The following ATP2C2 variants were observed in gnomAD, a reference collection of about 807,000 sequenced individuals.
ATP2C2 encodes ATPase secretory pathway Ca2+ transporting 2, also known as calcium-transporting ATPase type 2C member 2.
ATP2C2 carries 171 observed loss-of-function variants against 110.8 expected under a neutral mutation model. That is an observed-to-expected ratio of 1.54 (90% CI 1.36 to 1.75). ATP2C2 has a LOEUF of 1.75. ATP2C2 is among the 40% of genes most tolerant of loss of function. The probability of loss-of-function intolerance (pLI) is 0.00; values close to 1 mark genes in which losing one functional copy is unlikely to be tolerated. For missense variants in ATP2C2, 1,963 were observed against 1,235.0 expected (o/e 1.59, Z -8.84); for synonymous variants, 804 against 508.4 (o/e 1.58, Z -7.82).
intron 7 of ATP2C2, among the ~76,000 whole-genome samples, chr16:84,419,067 G>A (rs796749509): frequency 2.0e-5 from 3 of 151,974 alleles, no homozygotes; most frequent in African/African-American, 7.2e-5. Flanking sequence ...AAATTAGCCA[G>A]GCGTGGTGGC....
intron 3 of ATP2C2, chr16:84,407,516 G>A (rs1334896667): frequency 6.6e-6 from 1 of 152,120 alleles, no homozygotes; most frequent in African/African-American, 2.4e-5. Flanking sequence ...TGGTGTCCAA[G>A]CAGGAGTGCA....
chr16:84,389,616 C>T (rs775063856), intron 1 of ATP2C2, among the ~76,000 whole-genome samples: 10 of 152,064 alleles, frequency 6.6e-5, no homozygotes, highest in Non-Finnish European at 1.5e-4. Context: ...CCTCTAAGGA[C>T]GAGGACTCCT....
Position 84,398,664 on chromosome 16 carries a change from G to A in ATP2C2, c.210+55G>A, listed in dbSNP as rs149278845. On this transcript the variant is annotated intron_variant, in intron 2 of 26. Coordinates refer to ENST00000262429, the MANE Select transcript of ATP2C2 (RefSeq NM_014861.4). ...TTGTGATAAGGTTTTATGTTTAAAA[G>A]AAAGCAACACAAAGCCCTGAACAGT... 1,033 of 1,411,144 alleles carry A rather than the reference G, an allele frequency of 7.3e-4. 11 individuals carry two copies. The East Asian group carries it at 0.023, about 31-fold the overall frequency. 87.4% of individuals were successfully genotyped at this position (1,411,144 alleles called of 1,614,324 possible).
chr16:84,417,182 A>G (rs556195900), intron 7 of ATP2C2, among the ~76,000 whole-genome samples: 1 of 152,316 alleles, frequency 6.6e-6, no homozygotes, highest in South Asian at 2.1e-4. Flanking sequence ...TGGGAGGATT[A>G]CAGATCTTCA....
intron 1 of ATP2C2, among the ~76,000 whole-genome samples, chr16:84,381,017 G>C (rs992697765): frequency 4.6e-5 from 7 of 152,304 alleles, no homozygotes; most frequent in Non-Finnish European, 1.0e-4. Flanking sequence ...ATGCGCGTCC[G>C]TGTGAAGAGA....
At chr16:84,386,303 G>C (rs1248962319) in intron 1 of ATP2C2, among the ~76,000 whole-genome samples, 1 of 152,122 alleles carries the variant, frequency 6.6e-6, no homozygotes, top group Non-Finnish European at 1.5e-5. Flanking sequence ...TTTTATATCT[G>C]TCTCTCTCTG....
chr16:84,393,199 G>C (rs1032869571), intron 1 of ATP2C2, among the ~76,000 whole-genome samples: 1 of 152,192 alleles, frequency 6.6e-6, no homozygotes, highest in Non-Finnish European at 1.5e-5. Flanking sequence ...TTTCAACAAA[G>C]GATACATTAA....
Position 84,422,621 on chromosome 16 carries a change from G to A in ATP2C2, c.775-8G>A, listed in dbSNP as rs1395979663. 3.1e-6 allele frequency: 5 copies of A among 1,612,674 alleles called. No individual in the cohort carries two copies. Among genetic ancestry groups the A allele is most frequent in the Non-Finnish European group, 4.2e-6 (5 of 1,179,430 alleles). On this transcript the variant is annotated splice_region_variant and splice_polypyrimidine_tract_variant and intron_variant, in intron 8 of 26. Coordinates refer to ENST00000262429, the MANE Select transcript of ATP2C2 (RefSeq NM_014861.4). ...TAGATTTCATACTTCTCTCTCTCCT[G>A]GACACAGGGGGTCGTGATTGGAACA...
At chr16:84,412,079 G>A (rs1266788733) in intron 6 of ATP2C2, among the ~76,000 whole-genome samples, 2 of 151,450 alleles carry the variant, frequency 1.3e-5, no homozygotes, top group African/African-American at 2.4e-5. Context: ...GCAGGATCTC[G>A]GCTCACTGCA....
chr16:84,433,122 G>A (rs35557824), intron 11 of ATP2C2, among the ~76,000 whole-genome samples: 27,581 of 152,100 alleles, frequency 0.18, 2,919 homozygotes, highest in African/African-American at 0.28. Flanking sequence ...GCTCACACCT[G>A]TAATCCTAGC....
chr16:84,460,587 G>C, intron 23 of ATP2C2, 67 bp from the exon 24 acceptor site: 1 of 1,609,454 alleles, frequency 6.2e-7, no homozygotes, highest in Non-Finnish European at 8.5e-7. Context: ...CTCAGGCACA[G>C]CTGTTTCAAG....
At chr16:84,404,804 A>T in intron 2 of ATP2C2, 1 of 353,632 alleles carries the variant, frequency 2.8e-6, no homozygotes, top group Non-Finnish European at 5.3e-6. Context: ...TTACATTCCC[A>T]AGACCTTTTT....
chr16:84,426,068 C>T (rs768933797), intron 11 of ATP2C2: 44 of 442,282 alleles, frequency 9.9e-5, no homozygotes, highest in Non-Finnish European at 1.6e-4. Flanking sequence ...AAAAAAAATA[C>T]CTGAGGCTTG....
At chr16:84,420,686 C>A (rs969071842) in intron 7 of ATP2C2, among the ~76,000 whole-genome samples, 3 of 152,020 alleles carry the variant, frequency 2.0e-5, no homozygotes, top group Non-Finnish European at 4.4e-5. Flanking sequence ...CATAGATTTC[C>A]CTAATGTCCT....
chr16:84,424,576 CTTTTTT>C (rs371614449), intron 10 of ATP2C2, among the ~76,000 whole-genome samples: 42,052 of 114,956 alleles, frequency 0.37, 7,923 homozygotes, highest in Non-Finnish European at 0.41. Context: ...CCGCACTGGG[CTTTTTT>C]TTTTTTTTTT....
intron 11 of ATP2C2, among the ~76,000 whole-genome samples, chr16:84,434,232 A>G (rs889275505): frequency 2.6e-5 from 4 of 151,762 alleles, no homozygotes; most frequent in Non-Finnish European, 4.4e-5. Context: ...CCCGGCCCAC[A>G]TTGTGAAACC....
At chr16:84,449,569 C>T (rs1297491663) in intron 17 of ATP2C2, among the ~76,000 whole-genome samples, 4 of 152,176 alleles carry the variant, frequency 2.6e-5, no homozygotes, top group Non-Finnish European at 5.9e-5. Flanking sequence ...CCCATCTTAG[C>T]TTGCCCTGAG....
chr16:84,452,027 C>G lies in ATP2C2; in HGVS notation c.1767C>G (p.Leu589=), dbSNP rs1267232175. ...GCGTGAAGGAAGCAGTCCAGGTTCTCTCCGAGTCTGGTGTGTCTGTGAAGA... is the reference window on the plus strand; with the variant it reads ...GCGTGAAGGAAGCAGTCCAGGTTCTGTCCGAGTCTGGTGTGTCTGTGAAGA... The part of the protein sequence containing the change: ...RVGVKEAVQV[L]SESGVSVKMI... Residue 589 remains leucine, a synonymous_variant, in exon 18 of 27, where the codon CTC becomes CTG. Coordinates refer to ENST00000262429, the MANE Select transcript of ATP2C2 (RefSeq NM_014861.4). 6.2e-7 allele frequency: 1 copy of G among 1,613,640 alleles called. No individual in the cohort carries two copies. Among genetic ancestry groups the G allele is most frequent in the African/African-American group, 1.3e-5 (1 of 74,768 alleles).
At chr16:84,450,926 C>T (rs759583751) in intron 17 of ATP2C2, among the ~76,000 whole-genome samples, 4 of 152,150 alleles carry the variant, frequency 2.6e-5, no homozygotes, top group Admixed American at 6.5e-5. Context: ...TCCTGCTCCA[C>T]CTCACATGTC....
Sources: allele counts gnomAD v4.1 joint callset (sites outside exome capture counted in the v4.1 genomes callset), GRCh38; gene constraint gnomAD v4.1.1; transcripts MANE v1.5; gene names NCBI Gene and HGNC (gene_info 2026-07-23, HGNC 2026-07-21).